Variants in NXF3 observed in about 807,000 individuals in gnomAD.
NXF3 encodes nuclear RNA export factor 3.
A neutral mutation model predicts 48.4 loss-of-function variants in NXF3; 34 were observed. That is an observed-to-expected ratio of 0.70 (90% CI 0.53 to 0.93). The LOEUF is 0.93. Ranked by LOEUF, NXF3 falls within the 40% of genes least tolerant of loss-of-function variation. NXF3 has a pLI of 0.00. For missense variants in NXF3, 359 were observed against 406.1 expected, an observed-to-expected ratio of 0.88 and a Z score of 1.00; for synonymous variants, 132 against 145.7, an observed-to-expected ratio of 0.91 and a Z score of 0.68.
intron 19 of NXF3, 76 bp from the exon 20 acceptor site, chrX:103,076,076 T>C: frequency 2.4e-6 from 1 of 415,769 alleles, no homozygotes; most frequent in South Asian, 4.7e-5. Flanking sequence ...TAGGGCTTTG[T>C]TTTCAGGATC....
rs144925686 is a variant in NXF3 at position 103,079,862 on chromosome X, A to G, written c.1061T>C (p.Leu354Ser). 10 of 1,204,264 alleles carry G rather than the reference A, an allele frequency of 8.3e-6. No individual in the cohort carries two copies. Among genetic ancestry groups the G allele is most frequent in the Non-Finnish European group, 1.1e-5 (10 of 890,240 alleles). ...LVLQFLQQYY[L>S]IYDSGDRQGL... ...CTGTCGATCTCCAGAGTCATAGATC[A>G]AGTAATACCTGTTGGAGACCAGTGA... The change falls in exon 13 of 20, where the codon TTG becomes TCG. Residue 354 changes from leucine (L) to serine (S), a missense_variant. Leu to Ser is a moderately radical substitution (Grantham distance 145). Transcript: ENST00000395065.
At position 103,078,750 on chromosome X, in the gene NXF3, T is replaced by C. The variant is rs960169668; in HGVS notation, c.1379-118A>G. On this transcript the variant is annotated intron_variant, in intron 16 of 19. Coordinates refer to ENST00000395065, the MANE Select transcript of NXF3 (RefSeq NM_022052.2). ...ACAGAAGGGGGCCAGACCAGGACAG[T>C]TGTTCACTTGGAGTGAGGCGGATGT... 9 of 1,088,807 alleles carry C rather than the reference T, an allele frequency of 8.3e-6. No homozygotes were observed. In the Admixed American group the frequency reaches 1.6e-4, roughly 19 times the overall value. The allele number at this position is 1,088,807 out of a possible 1,213,427, so 89.7% of individuals were successfully genotyped here.
Position 103,080,557 on chromosome X carries a change from G to A in NXF3, c.927+19C>T. The A allele has an allele frequency of 8.3e-7, 1 of 1,202,909 alleles. No homozygotes were observed. Among genetic ancestry groups the A allele is most frequent in the Non-Finnish European group, 1.1e-6 (1 of 887,302 alleles). On this transcript the variant is annotated intron_variant, in intron 10 of 19. Transcript: ENST00000395065. ...ATCAGTCCCAATTAGGAAAGTCAAT[G>A]ATCAAGGAATACACTTACCAGGCAT...
intron 1 of NXF3, among the ~76,000 whole-genome samples, chrX:103,091,712 G>A (rs113485608): frequency 1.8e-5 from 2 of 110,764 alleles, no homozygotes; most frequent in African/African-American, 3.3e-5. Flanking sequence ...TAGGCCAGGC[G>A]CGGTGGCTCA....
chrX:103,077,639 G>A lies in NXF3; in HGVS notation c.1559C>T (p.Ala520Val), dbSNP rs765478105. The change falls in exon 18 of 20, where the codon GCC becomes GTC. Residue 520 changes from alanine (A) to valine (V), a missense_variant. Coordinates refer to ENST00000395065, the MANE Select transcript of NXF3 (RefSeq NM_022052.2). ...CATTTTCTGCTGCTCCTGGGAGAAG[G>A]CAGGCACGGAGCTGGAGAAGGCTGT... ...VPTAFSSSVP[A>V]FSQEQQKMLP... 29 of 1,209,297 alleles carry A rather than the reference G, an allele frequency of 2.4e-5. No homozygotes were observed. The highest frequency in any genetic ancestry group is 4.6e-4 in the Middle Eastern group (2 of 4,370).
chrX:103,076,300 A>C lies in NXF3; in HGVS notation c.1586T>G (p.Leu529Arg), dbSNP rs778225502. 19 of 1,211,448 alleles carry C rather than the reference A, an allele frequency of 1.6e-5. No homozygotes were observed. In the South Asian group the frequency reaches 3.2e-4, roughly 20 times the overall value. The change falls in exon 19 of 20, where the codon CTG becomes CGG. Residue 529 changes from leucine to arginine, a missense_variant and splice_region_variant. Transcript: ENST00000395065. ...PAFSQEQQKM[L>R]PS The stretch of plus-strand genomic sequence containing the variant: ...TAGTCACACTGGTTGTTACGAAGGC[A>C]GCTGTGGTGGAGGAAGGACAGGTAA...
rs893090340 is a variant in NXF3, at chrX:103,076,173, C to T, written c.*49+68G>A. On this transcript the variant is annotated intron_variant, in intron 19 of 19. Coordinates refer to ENST00000395065, the MANE Select transcript of NXF3 (RefSeq NM_022052.2). ...GAGGGAGCTGGGAGATCAGCAGAAC[C>T]GGAAGCCCAAGTTCAATCCCCAGGC... 9 of 796,091 alleles carry T rather than the reference C, an allele frequency of 1.1e-5. No individual in the cohort carries two copies. The African/African-American group carries it at 1.2e-4, about 11-fold the overall frequency. The allele number at this position is 796,091 out of a possible 1,213,427, so 65.6% of individuals were successfully genotyped here. A position where few individuals can be genotyped will look rare whatever the true frequency, so the allele number is the denominator to read the frequency against.
chrX:103,082,916 A>G, intron 7 of NXF3, 68 bp from the exon 8 acceptor site: 6 of 1,130,068 alleles, frequency 5.3e-6, no homozygotes, highest in Non-Finnish European at 7.3e-6. Flanking sequence ...ATCAGCACTA[A>G]CCCCTCCCCA....
intron 18 of NXF3, among the ~76,000 whole-genome samples, chrX:103,077,236 C>T (rs1416644250): frequency 2.0e-5 from 2 of 102,017 alleles, no homozygotes; most frequent in Non-Finnish European, 3.9e-5. Flanking sequence ...ACACCCAGCA[C>T]TCACTTCTTT....
At chrX:103,088,910 C>T (rs1246867870) in intron 1 of NXF3, 6 of 1,192,443 alleles carry the variant, frequency 5.0e-6, no homozygotes, top group East Asian at 5.9e-5. Context: ...TTCAAAAATA[C>T]GAGGTCTCAG....
At chrX:103,086,595 C>T (rs1922161328) in intron 1 of NXF3, among the ~76,000 whole-genome samples, 1 of 107,094 alleles carries the variant, frequency 9.3e-6, no homozygotes, top group African/African-American at 3.4e-5. Flanking sequence ...CTATTTAAAC[C>T]AAATCATACC....
intron 1 of NXF3, among the ~76,000 whole-genome samples, chrX:103,091,698 A>T (rs1338863597): frequency 9.0e-6 from 1 of 110,894 alleles, no homozygotes; most frequent in African/African-American, 3.3e-5. Flanking sequence ...CATGTTAAGA[A>T]GATTAGGCCA....
chrX:103,081,846 C>A (rs1450288835), intron 9 of NXF3: 3 of 132,247 alleles, frequency 2.3e-5, no homozygotes, highest in Middle Eastern at 3.4e-3. Context: ...CCTCTCGGGA[C>A]GGAGGAGGGA....
intron 1 of NXF3, among the ~76,000 whole-genome samples, chrX:103,091,624 G>A (rs1230405266): frequency 3.6e-5 from 4 of 110,194 alleles, no homozygotes; most frequent in Non-Finnish European, 5.7e-5. Context: ...AGGGACAACT[G>A]TACTTATTTA....
chrX:103,080,251 T>C, intron 10 of NXF3, 35 bp from the exon 11 acceptor site: 1 of 1,163,697 alleles, frequency 8.6e-7, no homozygotes. Context: ...TAGTGCAAAG[T>C]AGGGAGGTGG....
intron 10 of NXF3, 137 bp from the exon 11 acceptor site, chrX:103,080,353 C>T: frequency 1.4e-6 from 1 of 696,638 alleles, no homozygotes; most frequent in Admixed American, 2.8e-5. Context: ...GGCAAGACTA[C>T]AGTCGGGATT....
chrX:103,087,202 C>T, intron 1 of NXF3: 3 of 740,397 alleles, frequency 4.1e-6, no homozygotes, highest in South Asian at 2.6e-5. Flanking sequence ...GAATATGATG[C>T]CTGAAAACTA....
intron 1 of NXF3, among the ~76,000 whole-genome samples, chrX:103,085,900 CAAAAAAAAAAAA>C (rs56135590): frequency 2.3e-5 from 1 of 43,538 alleles, no homozygotes; most frequent in African/African-American, 9.3e-5. Context: ...GAGACTCTGT[CAAAAAAAAAAAA>C]AAAAAAAAAA....
intron 17 of NXF3, 135 bp downstream of exon 17, chrX:103,078,425 C>T: frequency 1.1e-6 from 1 of 917,495 alleles, no homozygotes; most frequent in Non-Finnish European, 1.6e-6. Context: ...CTGCTCCTGG[C>T]CCATACTCTT....
Sources: allele counts gnomAD v4.1 joint callset (sites outside exome capture counted in the v4.1 genomes callset), GRCh38; gene constraint gnomAD v4.1.1; transcripts MANE v1.5; gene names NCBI Gene and HGNC (gene_info 2026-07-23, HGNC 2026-07-21).